The following CNOT4 variants were observed in gnomAD, a reference collection of about 807,000 sequenced individuals.
CNOT4 encodes CCR4-associated factor 4.
In CNOT4, 8 loss-of-function variants were observed where a neutral mutation model predicts 73.8. That is an observed-to-expected ratio of 0.11 (90% CI 0.06 to 0.20). CNOT4 has a LOEUF of 0.20. CNOT4 is among the 10% of genes least tolerant of loss of function. CNOT4 has a pLI of 1.00. For synonymous variants in CNOT4, 293 were observed against 321.1 expected (o/e 0.91, Z 0.94); for missense variants, 564 against 883.4 (o/e 0.64, Z 4.58).
chr7:135,498,938 G>A (rs1313467401), intron 1 of CNOT4, among the ~76,000 whole-genome samples: 2 of 152,076 alleles, frequency 1.3e-5, no homozygotes, highest in African/African-American at 4.8e-5. Flanking sequence ...ACTCATATAG[G>A]TACTCTTCAA....
chr7:135,427,316 T>G (rs1798561688), intron 2 of CNOT4, among the ~76,000 whole-genome samples: 2 of 146,386 alleles, frequency 1.4e-5, no homozygotes, highest in East Asian at 4.7e-4. Flanking sequence ...CTCTAATCTT[T>G]ATTGAAAAAC....
chr7:135,388,873 G>A, intron 10 of CNOT4: 4 of 1,612,854 alleles, frequency 2.5e-6, no homozygotes, highest in African/African-American at 1.3e-5. Flanking sequence ...TGGCATGGTC[G>A]AAACCTTCAC....
At chr7:135,444,621 T>C (rs1799705712) in intron 1 of CNOT4, 1 of 1,275,828 alleles carries the variant, frequency 7.8e-7, no homozygotes, top group Non-Finnish European at 1.1e-6. Context: ...GAGCCACCAT[T>C]CTGGTTCCAA....
chr7:135,488,409 C>T (rs982936237), intron 1 of CNOT4, among the ~76,000 whole-genome samples: 2 of 152,190 alleles, frequency 1.3e-5, no homozygotes, highest in Non-Finnish European at 2.9e-5. Context: ...GAAGGGGTTT[C>T]ACCGTGTTGG....
At chr7:135,418,817 A>G (rs1243723607) in intron 3 of CNOT4, among the ~76,000 whole-genome samples, 1 of 152,162 alleles carries the variant, frequency 6.6e-6, no homozygotes, top group Non-Finnish European at 1.5e-5. Flanking sequence ...CTTTCCTCAG[A>G]GAAGCTTTTT....
chr7:135,499,903 C>T (rs1490519894), intron 1 of CNOT4, among the ~76,000 whole-genome samples: 2 of 152,096 alleles, frequency 1.3e-5, no homozygotes, highest in Admixed American at 6.6e-5. Context: ...CAATGGCTTT[C>T]TATTCTAGTG....
At chr7:135,509,330 T>C (rs769241035) in intron 1 of CNOT4, among the ~76,000 whole-genome samples, 2 of 152,022 alleles carry the variant, frequency 1.3e-5, no homozygotes, top group Non-Finnish European at 2.9e-5. Context: ...CACTGTGGGC[T>C]GATTGCAAGC....
chr7:135,426,210 T>C (rs1298177977), intron 2 of CNOT4, among the ~76,000 whole-genome samples: 1 of 151,900 alleles, frequency 6.6e-6, no homozygotes, highest in Non-Finnish European at 1.5e-5. Context: ...CAAGACCCTA[T>C]TTCAAAAAAG....
Position 135,363,848 on chromosome 7 carries a change from A to G in CNOT4, c.1840+6T>C, listed in dbSNP as rs1794771998. Reference sequence around the variant, plus strand: ...TCAGTGTAGCTGAAGGGAGTGAGAAAGTTACCTGTGATGATGGCTGGGTCT... The same window carrying G: ...TCAGTGTAGCTGAAGGGAGTGAGAAGGTTACCTGTGATGATGGCTGGGTCT... On this transcript the variant is annotated splice_donor_region_variant and intron_variant, in intron 11 of 11. Coordinates refer to ENST00000541284, the MANE Select transcript of CNOT4 (RefSeq NM_001190850.2). This position sits in a 1 kb window ranked among gnomAD's most constrained non-coding sequence, Gnocchi z 4.3. The G allele has an allele frequency of 2.5e-6, 4 of 1,586,348 alleles. No homozygotes were observed. The highest frequency in any genetic ancestry group is 8.5e-7 in the Non-Finnish European group (1 of 1,172,402).
intron 7 of CNOT4, among the ~76,000 whole-genome samples, chr7:135,402,044 T>TCTCA (rs59114744): frequency 0.035 from 5,325 of 152,064 alleles, 316 homozygotes; most frequent in African/African-American, 0.12. Flanking sequence ...ATACAAACGA[T>TCTCA]CTAATTTTTT....
At chr7:135,374,002 G>C (rs1346197449) in intron 10 of CNOT4, among the ~76,000 whole-genome samples, 1 of 152,148 alleles carries the variant, frequency 6.6e-6, no homozygotes, top group Non-Finnish European at 1.5e-5. Context: ...ATTTTTCATG[G>C]GAAATAATGC....
intron 2 of CNOT4, among the ~76,000 whole-genome samples, chr7:135,431,664 A>G (rs938492493): frequency 2.0e-5 from 3 of 151,434 alleles, no homozygotes; most frequent in Non-Finnish European, 4.4e-5. Flanking sequence ...AATCACTTGA[A>G]CCCGGCAGGT....
At chr7:135,393,884 T>C in intron 10 of CNOT4, 34 bp downstream of exon 10, 3 of 1,500,824 alleles carry the variant, frequency 2.0e-6, no homozygotes, top group Non-Finnish European at 2.7e-6. Context: ...ATATGAGTTA[T>C]TCAAAAATTC....
chr7:135,448,360 T>C (rs1232337815), intron 1 of CNOT4, among the ~76,000 whole-genome samples: 1 of 151,842 alleles, frequency 6.6e-6, no homozygotes, highest in African/African-American at 2.4e-5. Context: ...CTGGCCAACA[T>C]GGTGAAACTC....
At chr7:135,490,545 G>T (rs1803040297) in intron 1 of CNOT4, among the ~76,000 whole-genome samples, 1 of 150,504 alleles carries the variant, frequency 6.6e-6, no homozygotes, top group South Asian at 2.1e-4. Flanking sequence ...AATTTCCTCA[G>T]GAACAAATAT....
chr7:135,464,015 T>C (rs1382126522), intron 1 of CNOT4, among the ~76,000 whole-genome samples: 1 of 44,924 alleles, frequency 2.2e-5, no homozygotes, highest in Non-Finnish European at 4.5e-5. Flanking sequence ...ATGGCTATTA[T>C]TAAAAAGTCA....
chr7:135,471,947 C>T (rs935068966), intron 1 of CNOT4, among the ~76,000 whole-genome samples: 3 of 151,884 alleles, frequency 2.0e-5, no homozygotes, highest in South Asian at 2.1e-4. Context: ...CCAAGGCAGG[C>T]GGATCACTTG....
rs900540289 is a variant in CNOT4 at position 135,395,970 on chromosome 7, G to C, written c.880-87C>G. 10 of 847,220 alleles carry C rather than the reference G, an allele frequency of 1.2e-5. No individual in the cohort carries two copies. In the East Asian group the frequency reaches 2.6e-4, roughly 22 times the overall value. The allele number at this position is 847,220 out of a possible 1,614,324, so 52.5% of individuals were successfully genotyped here. On this transcript the variant is annotated intron_variant, in intron 8 of 11. Transcript: ENST00000541284. ...AAAAAGTTTGCAACTAAATGTATTA[G>C]AATAGTGTTTCACAAACTGGTACTT...
At chr7:135,480,260 T>C (rs905853284) in intron 1 of CNOT4, among the ~76,000 whole-genome samples, 24 of 152,242 alleles carry the variant, frequency 1.6e-4, no homozygotes, top group East Asian at 3.8e-4. Context: ...AAGTTTTCAG[T>C]TGCCCAGTGC....
Sources: gnomAD v4.1 joint callset for allele counts (sites outside exome capture counted in the v4.1 genomes callset) on GRCh38, gnomAD v4.1.1 for gene constraint, Gnocchi (gnomAD v3.1) non-coding constraint, MANE v1.5 for transcripts, NCBI Gene and HGNC (gene_info 2026-07-23, HGNC 2026-07-21) for gene names.